Variants in ANKS6 observed in about 807,000 individuals in gnomAD.
The protein encoded by ANKS6 is ankyrin repeat and SAM domain-containing protein 6.
Under a neutral mutation model 77.9 loss-of-function variants are expected in ANKS6, and 47 were observed. The observed-to-expected ratio is 0.60, with a 90% confidence interval of 0.48 to 0.77. The LOEUF (loss-of-function observed/expected upper bound fraction) is 0.77. Among genes scored for constraint, ANKS6 ranks in the 30% least tolerant of loss-of-function variants. ANKS6 has a pLI of 0.00. For synonymous variants in ANKS6, 488 were observed against 501.7 expected, an observed-to-expected ratio of 0.97 and a Z score of 0.37; for missense variants, 1,150 against 1,159.1, an observed-to-expected ratio of 0.99 and a Z score of 0.11.
chr9:98,746,721 C>T (rs1478847791), intron 13 of ANKS6, among the ~76,000 whole-genome samples: 2 of 152,152 alleles, frequency 1.3e-5, no homozygotes, highest in Admixed American at 1.3e-4. Flanking sequence ...GATTCCCCGG[C>T]CTCCCTCATG....
intron 6 of ANKS6, among the ~76,000 whole-genome samples, chr9:98,779,697 T>G (rs1834125009): frequency 6.6e-6 from 1 of 151,922 alleles, no homozygotes. Flanking sequence ...GGAGTTTCGC[T>G]CTGTCGCCCA....
chr9:98,743,214 T>C (rs1298474492), intron 14 of ANKS6, among the ~76,000 whole-genome samples: 1 of 152,204 alleles, frequency 6.6e-6, no homozygotes, highest in Non-Finnish European at 1.5e-5. Flanking sequence ...CTCACACATC[T>C]GGCCTCTGGA....
At chr9:98,748,351 G>C (rs1314066192) in intron 13 of ANKS6, among the ~76,000 whole-genome samples, 1 of 152,168 alleles carries the variant, frequency 6.6e-6, no homozygotes, top group Non-Finnish European at 1.5e-5. Flanking sequence ...AGGGGTAGCA[G>C]GAATAAGGCA....
intron 5 of ANKS6, among the ~76,000 whole-genome samples, chr9:98,781,655 G>C (rs1161005459): frequency 6.6e-6 from 1 of 152,154 alleles, no homozygotes; most frequent in Non-Finnish European, 1.5e-5. Flanking sequence ...CCTGCAGCAG[G>C]GAAGGGGTGG....
chr9:98,772,405 C>T (rs1833692822), intron 9 of ANKS6, among the ~76,000 whole-genome samples: 1 of 152,176 alleles, frequency 6.6e-6, no homozygotes, highest in Non-Finnish European at 1.5e-5. Context: ...GGAGCAGGGC[C>T]CTGCTGACAC....
In ANKS6 at chr9:98,791,806, A is replaced by T. The variant is rs1425707324; in HGVS notation, c.360-1200T>A. ...CCAGGCCAGGGCTGAACTCTGTCTG[A>T]GGCTCCGGCTGAATACCTTCTGGGA... On this transcript the variant is annotated intron_variant, in intron 1 of 14. Transcript: ENST00000353234. The surrounding 1 kb of genome is among the most constrained non-coding windows in gnomAD (Gnocchi z 4.3). Among the ~76,000 whole-genome samples the T allele has an allele frequency of 2.0e-5, 3 of 152,036 alleles. No individual in the cohort carries two copies. The South Asian group carries it at 6.2e-4, about 32-fold the overall frequency.
rs1309869278 is a variant in ANKS6, at chr9:98,778,283, G to A, written c.1510C>T (p.Gln504Ter). Residue 504 changes from glutamine to a stop codon, truncating the protein, a stop_gained, in exon 7 of 15, where the codon CAG (glutamine) becomes TAG (stop). Coordinates refer to ENST00000353234, the MANE Select transcript of ANKS6 (RefSeq NM_173551.5). LOFTEE classifies it high-confidence loss of function. ...ALDSTMRAAP[Q>*]DKTSRSALPD... ...AGTGCAGAGCGGCTTGTCTTGTCCT[G>A]GGGGGCAGCCCTCATTGTGGAGTCC... 9 of 1,614,074 alleles carry A rather than the reference G, an allele frequency of 5.6e-6. No individual in the cohort carries two copies. Among genetic ancestry groups the A allele is most frequent in the Non-Finnish European group, 6.8e-6 (8 of 1,180,004 alleles).
In ANKS6 at chr9:98,736,258, C is replaced by A; in HGVS notation, c.*261G>T. 3 of 1,301,564 alleles carry A rather than the reference C, an allele frequency of 2.3e-6. No homozygotes were observed. Among genetic ancestry groups the A allele is most frequent in the Non-Finnish European group, 2.9e-6 (3 of 1,027,426 alleles). The allele number at this position is 1,301,564 out of a possible 1,614,324, so 80.6% of individuals were successfully genotyped here. A position where few individuals can be genotyped will look rare whatever the true frequency, so the allele number is the denominator to read the frequency against. On this transcript the variant is annotated 3_prime_UTR_variant, in exon 15 of 15. Transcript: ENST00000353234. ...GAGCACAGGATGAAAGGAGCTGAGT[C>A]CCTGCATCACTGTGTGAACCAACCT...
At chr9:98,778,506 T>C in intron 6 of ANKS6, 82 bp from the exon 7 acceptor site, 14 of 1,364,510 alleles carry the variant, frequency 1.0e-5, no homozygotes, top group Non-Finnish European at 1.4e-5. Flanking sequence ...CCAGAGACAG[T>C]GACTACATTC....
intron 5 of ANKS6, 70 bp downstream of exon 5, chr9:98,782,397 G>T: frequency 1.5e-6 from 2 of 1,371,868 alleles, no homozygotes; most frequent in Non-Finnish European, 1.0e-6. Context: ...TCACAGAGGA[G>T]GTGCCTGTCT....
chr9:98,777,522 G>A, intron 7 of ANKS6, 68 bp from the exon 8 acceptor site: 1 of 1,499,310 alleles, frequency 6.7e-7, no homozygotes. Flanking sequence ...ATGAGTGACT[G>A]GGGCAGGCTT....
chr9:98,736,489 A>C lies in ANKS6; in HGVS notation c.*30T>G, dbSNP rs761596348. ...CGTGAAGGGGTCCCGGGATTCAGAG[A>C]GCTCACGCTGGTGGCTGCGGGAAGG... is the stretch of plus-strand genomic sequence containing the variant. On this transcript the variant is annotated 3_prime_UTR_variant, in exon 15 of 15. Coordinates refer to ENST00000353234, the MANE Select transcript of ANKS6 (RefSeq NM_173551.5). The C allele has an allele frequency of 6.3e-7, 1 of 1,581,976 alleles. No homozygotes were observed. Among genetic ancestry groups the C allele is most frequent in the Non-Finnish European group, 8.6e-7 (1 of 1,161,818 alleles).
At chr9:98,777,546 C>T (rs1833985766) in intron 7 of ANKS6, 92 bp from the exon 8 acceptor site, 1 of 1,152,634 alleles carries the variant, frequency 8.7e-7, no homozygotes, top group Non-Finnish European at 1.3e-6. Flanking sequence ...CCTGGAAAAC[C>T]AACTCTCCTG....
rs139218146 is a variant in ANKS6, at chr9:98,763,450, A to G, written c.2142+4631T>C. 9.1e-3 allele frequency among the ~76,000 whole-genome samples: 1,391 copies of G among 152,212 alleles called. 11 individuals carry two copies. The highest frequency in any genetic ancestry group is 0.014 in the Admixed American group (220 of 15,292). Reference sequence around the variant, plus strand: ...AAATATTTTGAATGGAATTAAAATTAAAATATATCAAAATTTGTGGGATGT... The same window carrying G: ...AAATATTTTGAATGGAATTAAAATTGAAATATATCAAAATTTGTGGGATGT... On this transcript the variant is annotated intron_variant, in intron 11 of 14. Transcript: ENST00000353234.
chr9:98,733,740 G>T lies in ANKS6; in HGVS notation c.*2779C>A. 5.1e-6 allele frequency: 5 copies of T among 985,526 alleles called. No homozygotes were observed. In the South Asian group the frequency reaches 2.3e-4, roughly 46 times the overall value. The allele number at this position is 985,526 out of a possible 1,614,324, so 61.0% of individuals were successfully genotyped here. A position where few individuals can be genotyped will look rare whatever the true frequency, so the allele number is the denominator to read the frequency against. On this transcript the variant is annotated 3_prime_UTR_variant, in exon 15 of 15. Coordinates refer to ENST00000353234, the MANE Select transcript of ANKS6 (RefSeq NM_173551.5). ...GCTGGCATGCTGAAGGTTGTGAGAG[G>T]CCTGTAGCAAAGATGATCGTGTAGC... is the stretch of plus-strand genomic sequence containing the variant.
intron 11 of ANKS6, among the ~76,000 whole-genome samples, chr9:98,761,899 A>G (rs924325128): frequency 4.6e-5 from 7 of 152,146 alleles, no homozygotes; most frequent in African/African-American, 1.2e-4. Flanking sequence ...TTGTACCTCA[A>G]TATAAAATTT....
At chr9:98,754,419 A>T (rs986719221) in intron 12 of ANKS6, among the ~76,000 whole-genome samples, 2 of 152,126 alleles carry the variant, frequency 1.3e-5, no homozygotes, top group African/African-American at 4.8e-5. Context: ...AGGCGGGCGG[A>T]TCACGAGGTC....
At chr9:98,784,689 C>A in intron 3 of ANKS6, 143 bp downstream of exon 3, 1 of 766,618 alleles carries the variant, frequency 1.3e-6, no homozygotes. Flanking sequence ...CCTCCAGGAT[C>A]TGAACTTCCA....
chr9:98,793,123 G>A (rs1435567886), intron 1 of ANKS6, among the ~76,000 whole-genome samples: 1 of 152,236 alleles, frequency 6.6e-6, no homozygotes, highest in African/African-American at 2.4e-5. Flanking sequence ...TGGGCTGAGA[G>A]TCCAGCTCTG....
Sources: gnomAD v4.1 joint callset for allele counts (sites outside exome capture counted in the v4.1 genomes callset) on GRCh38, gnomAD v4.1.1 for gene constraint, Gnocchi (gnomAD v3.1) non-coding constraint, MANE v1.5 for transcripts, NCBI Gene and HGNC (gene_info 2026-07-23, HGNC 2026-07-21) for gene names.